SERPINE2: variants seen among roughly 807,000 people sequenced by gnomAD.
The protein encoded by SERPINE2 is serpin family E member 2.
A neutral mutation model predicts 36.3 loss-of-function variants in SERPINE2; 14 were observed. The observed-to-expected ratio is 0.39, with a 90% confidence interval of 0.25 to 0.60. The LOEUF is 0.60. Ranked by LOEUF, SERPINE2 falls within the 20% of genes least tolerant of loss-of-function variation. The pLI, the probability that SERPINE2 is intolerant of heterozygous loss-of-function variation, is 0.57. For synonymous variants in SERPINE2, 192 were observed against 191.8 expected (o/e 1.00, Z -0.01); for missense variants, 418 against 499.6 (o/e 0.84, Z 1.56).
At chr2:224,016,090 A>G (rs538326410) in intron 1 of SERPINE2, among the ~76,000 whole-genome samples, 1 of 152,272 alleles carries the variant, frequency 6.6e-6, no homozygotes, top group Admixed American at 6.5e-5. Context: ...ATGTCACTAT[A>G]TGTCCAGATG....
At chr2:224,019,094 G>C (rs1477882695) in intron 1 of SERPINE2, among the ~76,000 whole-genome samples, 1 of 152,118 alleles carries the variant, frequency 6.6e-6, no homozygotes, top group East Asian at 1.9e-4. Flanking sequence ...CTCAACTGCA[G>C]GAAATACGTT....
chr2:224,005,094 T>TAA (rs1236899486), intron 1 of SERPINE2, among the ~76,000 whole-genome samples: 21 of 132,720 alleles, frequency 1.6e-4, no homozygotes, highest in African/African-American at 6.1e-4. Flanking sequence ...TATATATATA[T>TAA]ATAAAACATT....
At chr2:223,998,369 A>C (rs746669707) in intron 2 of SERPINE2, 27 bp from the exon 3 acceptor site, 2 of 1,543,832 alleles carry the variant, frequency 1.3e-6, no homozygotes, top group Middle Eastern at 1.7e-4. Context: ...AAGATACAGC[A>C]ATACTTCCAT....
chr2:224,013,369 C>T (rs1451474958), intron 1 of SERPINE2, among the ~76,000 whole-genome samples: 2 of 152,156 alleles, frequency 1.3e-5, no homozygotes, highest in Admixed American at 6.5e-5. Flanking sequence ...GACAGGCCCT[C>T]CTTCAGGTGG....
chr2:223,994,144 G>A (rs1188723715), intron 3 of SERPINE2, among the ~76,000 whole-genome samples: 1 of 152,106 alleles, frequency 6.6e-6, no homozygotes, highest in African/African-American at 2.4e-5. Context: ...CCCAATGCCT[G>A]GCCCCACCAT....
At chr2:223,976,808 A>G (rs955419417) in intron 8 of SERPINE2, among the ~76,000 whole-genome samples, 2 of 152,238 alleles carry the variant, frequency 1.3e-5, no homozygotes, top group Non-Finnish European at 2.9e-5. Context: ...TTCCCAAGGT[A>G]TAACAATAGA....
At chr2:224,038,787 C>T (rs1692613571) in intron 1 of SERPINE2, 2 of 490,120 alleles carry the variant, frequency 4.1e-6, no homozygotes, top group Non-Finnish European at 7.2e-6. Context: ...CCCGGTGCTC[C>T]CAGCTGCGGG....
intron 1 of SERPINE2, chr2:224,030,992 T>C: frequency 1.0e-6 from 1 of 985,450 alleles, no homozygotes; most frequent in Non-Finnish European, 1.2e-6. Flanking sequence ...GATACTGGCC[T>C]CTTTCTGTAT....
intron 3 of SERPINE2, among the ~76,000 whole-genome samples, chr2:223,996,908 C>T (rs1422219612): frequency 6.6e-6 from 1 of 152,126 alleles, no homozygotes; most frequent in East Asian, 1.9e-4. Flanking sequence ...GAGACCCCAC[C>T]TCTTCAAAAA....
intron 1 of SERPINE2, among the ~76,000 whole-genome samples, chr2:224,033,468 G>A (rs1447028693): frequency 1.3e-5 from 2 of 152,074 alleles, no homozygotes; most frequent in African/African-American, 2.4e-5. Flanking sequence ...AAAGGAAACT[G>A]AGCCAAGAAT....
intron 5 of SERPINE2, 64 bp from the exon 6 acceptor site, chr2:223,982,845 G>T: frequency 8.8e-7 from 1 of 1,138,106 alleles, no homozygotes; most frequent in Non-Finnish European, 1.3e-6. Context: ...TGATAGAGTC[G>T]GTGCATGTTT....
intron 1 of SERPINE2, chr2:224,030,239 T>C: frequency 4.1e-6 from 4 of 985,174 alleles, no homozygotes; most frequent in Non-Finnish European, 4.8e-6. Flanking sequence ...AGGTGATCAT[T>C]GGGGAGTACT....
chr2:223,997,651 G>A (rs1233961056), intron 3 of SERPINE2, among the ~76,000 whole-genome samples: 2 of 152,236 alleles, frequency 1.3e-5, no homozygotes, highest in Non-Finnish European at 2.9e-5. Context: ...TTGTAATCAT[G>A]TGCCAATCAT....
intron 1 of SERPINE2, among the ~76,000 whole-genome samples, chr2:224,020,281 C>T (rs528501581): frequency 6.6e-5 from 10 of 152,096 alleles, no homozygotes; most frequent in South Asian, 6.2e-4. Flanking sequence ...TGAAATGGTA[C>T]GAAGAATAGA....
chr2:224,000,206 T>A (rs1468419391), intron 2 of SERPINE2, among the ~76,000 whole-genome samples: 1 of 152,110 alleles, frequency 6.6e-6, no homozygotes, highest in Non-Finnish European at 1.5e-5. Flanking sequence ...GCAGGAAGAC[T>A]CCCTTGTTTC....
At chr2:224,022,479 G>C (rs1339571065) in intron 1 of SERPINE2, among the ~76,000 whole-genome samples, 2 of 152,086 alleles carry the variant, frequency 1.3e-5, no homozygotes, top group African/African-American at 4.8e-5. Context: ...GAAACAGATA[G>C]GAAATAATGA....
rs150310807 is a variant in SERPINE2, at chr2:223,998,105, G to A, written c.487+10C>T. The A allele has an allele frequency of 2.1e-5, 34 of 1,601,238 alleles. No homozygotes were observed. Among genetic ancestry groups the A allele is most frequent in the East Asian group, 6.7e-5 (3 of 44,814 alleles). ...ACTATGCAATCAAATGACATACTGC[G>A]GCCACTCACCCCTGGTTTCATTTTT... On this transcript the variant is annotated intron_variant, in intron 3 of 8. Coordinates refer to ENST00000409304, the MANE Select transcript of SERPINE2 (RefSeq NM_001136528.2).
At chr2:224,038,501 C>G (rs1692602635) in intron 1 of SERPINE2, 2 of 1,551,544 alleles carry the variant, frequency 1.3e-6, no homozygotes, top group Non-Finnish European at 1.7e-6. Context: ...TGCAGTCACT[C>G]ATCCGCCTCG....
chr2:223,988,815 T>C (rs1690535012), intron 4 of SERPINE2, among the ~76,000 whole-genome samples: 1 of 152,230 alleles, frequency 6.6e-6, no homozygotes, highest in Non-Finnish European at 1.5e-5. Context: ...TAGGATAGCA[T>C]GATACATTTG....
Sources: gnomAD v4.1 joint callset for allele counts (sites outside exome capture counted in the v4.1 genomes callset) on GRCh38, gnomAD v4.1.1 for gene constraint, MANE v1.5 for transcripts, NCBI Gene and HGNC (gene_info 2026-07-23, HGNC 2026-07-21) for gene names.